TRPC7: variants seen among roughly 807,000 people sequenced by gnomAD.
The protein encoded by TRPC7 is short transient receptor potential channel 7.
A neutral mutation model predicts 90.1 loss-of-function variants in TRPC7; 42 were observed. The observed-to-expected ratio is 0.47, with a 90% CI of 0.36 to 0.60. The LOEUF is 0.60. Ranked by LOEUF, TRPC7 falls within the 20% of genes least tolerant of loss-of-function variation. TRPC7 has a pLI of 0.00. For synonymous variants in TRPC7, 451 were observed against 436.3 expected, an observed-to-expected ratio of 1.03 and a Z score of -0.42; for missense variants, 955 against 1,112.3, an observed-to-expected ratio of 0.86 and a Z score of 2.01.
chr5:136,290,120 T>C (rs930847552), intron 3 of TRPC7, among the ~76,000 whole-genome samples: 5 of 152,072 alleles, frequency 3.3e-5, no homozygotes, highest in African/African-American at 1.2e-4. Flanking sequence ...AGAAAGGACA[T>C]CCACACCAAA....
chr5:136,280,463 T>G (rs1017438269), intron 3 of TRPC7, among the ~76,000 whole-genome samples: 5 of 152,330 alleles, frequency 3.3e-5, no homozygotes, highest in South Asian at 2.1e-4. Flanking sequence ...ATTGATAAAC[T>G]GAGGGTTTTG....
At chr5:136,296,226 G>T (rs1448393045) in intron 3 of TRPC7, among the ~76,000 whole-genome samples, 2 of 152,106 alleles carry the variant, frequency 1.3e-5, no homozygotes, top group African/African-American at 4.8e-5. Context: ...TGCAAAAATA[G>T]TATTTTACAT....
chr5:136,251,742 C>T lies in TRPC7; in HGVS notation c.1486G>A (p.Ala496Thr). Residue 496 changes from alanine to threonine, a missense_variant, in exon 6 of 12, where the codon GCC (alanine) becomes ACC (threonine). By Grantham distance (58) the Ala-to-Thr change is moderately conservative. Transcript: ENST00000513104. The stretch of plus-strand genomic sequence containing the variant: ...TCCACGTACAGCTGTGCCTCCGTGG[C>T]CTTCAGGAAGGCCATGAAGCGTGCT... Reference protein sequence around the residue: ...FTARFMAFLKATEAQLYVDQH... With the variant: ...FTARFMAFLKTTEAQLYVDQH... 1 of 1,613,766 alleles carries T rather than the reference C, an allele frequency of 6.2e-7. No individual in the cohort carries two copies. Among genetic ancestry groups the T allele is most frequent in the East Asian group, 2.2e-5 (1 of 44,862 alleles).
chr5:136,290,234 C>T (rs1223554589), intron 3 of TRPC7, among the ~76,000 whole-genome samples: 1 of 152,136 alleles, frequency 6.6e-6, no homozygotes, highest in Non-Finnish European at 1.5e-5. Flanking sequence ...AATCAGAGCG[C>T]CTCTCCTCAT....
chr5:136,298,637 T>G (rs190246315), intron 3 of TRPC7, among the ~76,000 whole-genome samples: 1 of 152,096 alleles, frequency 6.6e-6, no homozygotes, highest in African/African-American at 2.4e-5. Flanking sequence ...AATGAGTGGC[T>G]GGTGTAAGTG....
In TRPC7 at chr5:136,247,775, A is replaced by T. The variant is rs1756391641; in HGVS notation, c.1580-40T>A. 2 of 1,592,002 alleles carry T rather than the reference A, an allele frequency of 1.3e-6. No homozygotes were observed. Among genetic ancestry groups the T allele is most frequent in the South Asian group, 2.3e-5 (2 of 87,474 alleles). On this transcript the variant is annotated intron_variant, in intron 6 of 11. Coordinates refer to ENST00000513104, the MANE Select transcript of TRPC7 (RefSeq NM_020389.3). The surrounding 1 kb of genome is among the most constrained non-coding windows in gnomAD (Gnocchi z 4.2). Reference sequence around the variant, plus strand: ...TCTGGGTTACTCACGAGGCCACAGGATCTATTCTAGAAGAGAAACCAGTTA... The same window carrying T: ...TCTGGGTTACTCACGAGGCCACAGGTTCTATTCTAGAAGAGAAACCAGTTA...
intron 3 of TRPC7, among the ~76,000 whole-genome samples, chr5:136,310,010 T>C (rs1758775260): frequency 6.6e-6 from 1 of 152,048 alleles, no homozygotes; most frequent in Non-Finnish European, 1.5e-5. Flanking sequence ...AGAAAAATAA[T>C]AAAAAGATTA....
chr5:136,362,464 G>A (rs1760598600), intron 1 of TRPC7, among the ~76,000 whole-genome samples: 2 of 152,266 alleles, frequency 1.3e-5, no homozygotes, highest in South Asian at 4.1e-4. Flanking sequence ...AAGGAGGTAA[G>A]TACATAAATC....
chr5:136,289,324 G>A (rs569841893), intron 3 of TRPC7, among the ~76,000 whole-genome samples: 46 of 152,364 alleles, frequency 3.0e-4, no homozygotes, highest in East Asian at 9.7e-4. Context: ...TGCACCATGC[G>A]TGAGCCGAAG....
intron 5 of TRPC7, among the ~76,000 whole-genome samples, chr5:136,263,097 AAAC>A (rs1274178969): frequency 6.6e-6 from 1 of 152,254 alleles, no homozygotes; most frequent in African/African-American, 2.4e-5. Context: ...GAAACTCCAC[AAAC>A]AACTGCCAAG....
chr5:136,220,162 C>T (rs183421262), intron 10 of TRPC7, among the ~76,000 whole-genome samples: 27 of 152,256 alleles, frequency 1.8e-4, no homozygotes, highest in Admixed American at 1.1e-3. Flanking sequence ...TATTGTAAAA[C>T]GTGTGTTTGA....
rs767022312 is a variant in TRPC7, at chr5:136,247,599, T to C, written c.1716A>G (p.Leu572=). 3.1e-6 allele frequency: 5 copies of C among 1,613,966 alleles called. No individual in the cohort carries two copies. Among genetic ancestry groups the C allele is most frequent in the Non-Finnish European group, 4.2e-6 (5 of 1,179,890 alleles). ...TGAAGATATCTTTCACAGTTCTCCC[T>C]AGCGAGATCTGCAGGGGCCCAAAAC... ...NESFGPLQIS[L]GRTVKDIFKF... is the part of the protein sequence containing the mutation. The change falls in exon 7 of 12, where the codon CTA becomes CTG. Residue 572 remains leucine, a synonymous_variant. Coordinates refer to ENST00000513104, the MANE Select transcript of TRPC7 (RefSeq NM_020389.3). The surrounding 1 kb of genome is among the most constrained non-coding windows in gnomAD (Gnocchi z 4.2).
chr5:136,282,821 A>T (rs1031770979), intron 3 of TRPC7, among the ~76,000 whole-genome samples: 1 of 152,202 alleles, frequency 6.6e-6, no homozygotes, highest in African/African-American at 2.4e-5. Context: ...TCCACCAGAC[A>T]TGTATTAAAT....
intron 7 of TRPC7, among the ~76,000 whole-genome samples, chr5:136,244,342 T>C (rs866417806): frequency 2.6e-5 from 4 of 152,186 alleles, no homozygotes; most frequent in South Asian, 2.1e-4. Flanking sequence ...TTGTCATTTT[T>C]CTGTGTGTCA....
At chr5:136,304,134 ATTG>A (rs1421025664) in intron 3 of TRPC7, among the ~76,000 whole-genome samples, 149 of 150,158 alleles carry the variant, frequency 9.9e-4, no homozygotes, top group African/African-American at 3.4e-3. Context: ...GCTGCATCTC[ATTG>A]CTGCCCTTCT....
At position 136,315,654 on chromosome 5, in the gene TRPC7, G is replaced by T; in HGVS notation, c.906C>A (p.Asp302Glu). 6.2e-7 allele frequency: 1 copy of T among 1,613,912 alleles called. No homozygotes were observed. Among genetic ancestry groups the T allele is most frequent in the Non-Finnish European group, 8.5e-7 (1 of 1,179,872 alleles). Residue 302 changes from aspartate (D) to glutamate (E), a missense_variant, in exon 3 of 12, where the codon GAC (aspartate) becomes GAA (glutamate). Physicochemically the swap from Asp to Glu is conservative, Grantham distance 45. Around this residue, in one of 4 missense-constraint regions of TRPC7, gnomAD observed 484 missense variants for 509.6 expected, o/e 0.95. Coordinates refer to ENST00000513104, the MANE Select transcript of TRPC7 (RefSeq NM_020389.3). The part of the protein sequence containing the change: ...NGDVNFQVWS[D>E]HHRPSLSRIK... ...TCCGGCTCAGACTTGGACGGTGGTGGTCGGACCAGACTTGGAAGTTCACAT... is the reference window on the plus strand; with the variant it reads ...TCCGGCTCAGACTTGGACGGTGGTGTTCGGACCAGACTTGGAAGTTCACAT...
chr5:136,361,177 T>G (rs1322716984), intron 1 of TRPC7, among the ~76,000 whole-genome samples: 3 of 152,182 alleles, frequency 2.0e-5, no homozygotes, highest in Non-Finnish European at 2.9e-5. Flanking sequence ...TAAAATGCAA[T>G]TGGCATTTGA....
intron 2 of TRPC7, among the ~76,000 whole-genome samples, chr5:136,331,127 A>G (rs1368109043): frequency 6.6e-6 from 1 of 152,048 alleles, no homozygotes; most frequent in Non-Finnish European, 1.5e-5. Context: ...TGCTGCTCTG[A>G]GTGCACTGGC....
intron 10 of TRPC7, 107 bp downstream of exon 10, chr5:136,225,167 G>T: frequency 1.1e-6 from 1 of 937,432 alleles, no homozygotes; most frequent in Non-Finnish European, 1.6e-6. Context: ...AATAAAGGAA[G>T]GAATGAAGCT....
Sources: gnomAD v4.1 joint callset for allele counts (sites outside exome capture counted in the v4.1 genomes callset) on GRCh38, gnomAD v4.1.1 for gene constraint, gnomAD v4.1.1 regional missense constraint, Gnocchi (gnomAD v3.1) non-coding constraint, MANE v1.5 for transcripts, NCBI Gene and HGNC (gene_info 2026-07-23, HGNC 2026-07-21) for gene names.